Variants in DGKK observed in about 807,000 individuals in gnomAD.
DGKK encodes diacylglycerol kinase kappa, also known as 142 kDa diacylglycerol kinase.
Under a neutral mutation model 92.2 loss-of-function variants are expected in DGKK, and 35 were observed. The ratio of observed to expected loss-of-function variants is 0.38; its 90% CI spans 0.29 to 0.50. DGKK has a LOEUF of 0.50. DGKK is among the 20% of genes least tolerant of loss of function. The pLI, the probability that DGKK is intolerant of heterozygous loss-of-function variation, is 0.92. For missense variants in DGKK, 910 were observed against 992.2 expected (o/e 0.92, Z 1.11); for synonymous variants, 368 against 360.6 (o/e 1.02, Z -0.23).
At chrX:50,423,541 A>C (rs1458466346) in intron 2 of DGKK, among the ~76,000 whole-genome samples, 1 of 112,044 alleles carries the variant, frequency 8.9e-6, no homozygotes, top group Non-Finnish European at 1.9e-5. Context: ...GCTAAAAATG[A>C]TGACATGGAA....
At chrX:50,420,643 TC>T (rs1388217146) in intron 3 of DGKK, 136 bp from the exon 4 acceptor site, 4 of 474,718 alleles carry the variant, frequency 8.4e-6, no homozygotes, top group Non-Finnish European at 1.4e-5. Context: ...AGACAGACAT[TC>T]CCAGAACCAC....
At chrX:50,467,780 T>C (rs1926944326) in intron 1 of DGKK, among the ~76,000 whole-genome samples, 1 of 112,651 alleles carries the variant, frequency 8.9e-6, no homozygotes, top group East Asian at 2.8e-4. Flanking sequence ...GAAGATCAGA[T>C]GTTCCCAGCT....
At chrX:50,371,882 G>A (rs912243161) in intron 25 of DGKK, 48 bp from the exon 26 acceptor site, 2 of 853,390 alleles carry the variant, frequency 2.3e-6, no homozygotes, top group Non-Finnish European at 1.7e-6. Flanking sequence ...TAGCACTTTT[G>A]TAGACTCTTA....
chrX:50,394,979 G>A (rs1557225944), intron 8 of DGKK, among the ~76,000 whole-genome samples: 1 of 110,190 alleles, frequency 9.1e-6, no homozygotes, highest in East Asian at 2.9e-4. Context: ...TGTCTGGGCT[G>A]TCTGAGGACC....
intron 1 of DGKK, among the ~76,000 whole-genome samples, chrX:50,461,285 A>G (rs991333621): frequency 8.9e-6 from 1 of 112,294 alleles, no homozygotes; most frequent in Non-Finnish European, 1.9e-5. Context: ...AGAATAATGA[A>G]CACGATCTAA....
At chrX:50,410,878 G>A (rs1317911136) in intron 4 of DGKK, among the ~76,000 whole-genome samples, 1 of 111,380 alleles carries the variant, frequency 9.0e-6, no homozygotes, top group African/African-American at 3.3e-5. Context: ...CTTGTCCCAC[G>A]GGAAACATTG....
intron 8 of DGKK, among the ~76,000 whole-genome samples, chrX:50,399,286 G>A (rs782101999): frequency 9.0e-6 from 1 of 111,311 alleles, no homozygotes; most frequent in African/African-American, 3.3e-5. Flanking sequence ...ATATGAGCAC[G>A]CACATACACA....
At chrX:50,462,763 T>C (rs1232583256) in intron 1 of DGKK, among the ~76,000 whole-genome samples, 3 of 108,054 alleles carry the variant, frequency 2.8e-5, no homozygotes, top group African/African-American at 1.0e-4. Context: ...TTAATGAAGC[T>C]GGGGAGCCCT....
chrX:50,370,484 C>G lies in DGKK; in HGVS notation c.3678G>C (p.Lys1226Asn). 7 of 1,193,978 alleles carry G rather than the reference C, an allele frequency of 5.9e-6. No homozygotes were observed. Among genetic ancestry groups the G allele is most frequent in the Non-Finnish European group, 6.8e-6 (6 of 885,972 alleles). Residue 1226 changes from lysine (K) to asparagine (N), a missense_variant, in exon 27 of 28, where the codon AAG becomes AAC. Physicochemically the swap from Lys to Asn is moderately conservative, Grantham distance 94. Coordinates refer to ENST00000611977, the MANE Select transcript of DGKK (RefSeq NM_001013742.4). ...GCTTGCGTTCCTCTTCTACCTTTTTCTTTCCCAATTTGGGGAACTTAATTT... is the reference window on the plus strand; with the variant it reads ...GCTTGCGTTCCTCTTCTACCTTTTTGTTTCCCAATTTGGGGAACTTAATTT... ...RLKIKFPKLG[K>N]KKVEEERKPK...
At chrX:50,384,871 G>T in intron 15 of DGKK, 47 bp from the exon 16 acceptor site, 1 of 977,733 alleles carries the variant, frequency 1.0e-6, no homozygotes, top group Non-Finnish European at 1.4e-6. Flanking sequence ...AAAGGAGGAA[G>T]GGAGGGAGGA....
intron 1 of DGKK, among the ~76,000 whole-genome samples, chrX:50,467,917 T>TA (rs1926949114): frequency 8.9e-6 from 1 of 112,530 alleles, no homozygotes; most frequent in South Asian, 3.7e-4. Flanking sequence ...ACTGATTAGT[T>TA]AATCTGCATG....
intron 4 of DGKK, among the ~76,000 whole-genome samples, chrX:50,415,484 G>A (rs891280337): frequency 2.7e-5 from 3 of 111,495 alleles, no homozygotes; most frequent in African/African-American, 6.5e-5. Flanking sequence ...TGCCCAGCAC[G>A]GTACTGCCTA....
At chrX:50,461,087 A>C (rs782462744) in intron 1 of DGKK, among the ~76,000 whole-genome samples, 1 of 112,021 alleles carries the variant, frequency 8.9e-6, no homozygotes, top group Non-Finnish European at 1.9e-5. Flanking sequence ...GTGAGATCAA[A>C]CTGCATTTGT....
rs182327669 is a variant in DGKK at position 50,388,043 on chromosome X, T to C, written c.2019-390A>G. Among the ~76,000 whole-genome samples, 676 of 112,342 alleles carry C rather than the reference T, an allele frequency of 6.0e-3. 3 individuals are homozygous for C. Among genetic ancestry groups the C allele is most frequent in the African/African-American group, 0.02 (634 of 30,973 alleles). ...ACAAACAATTATATTGGGAGGACTCTCCCTGTGGGAAGTTTTTCTCAAAGG... is the reference window on the plus strand; with the variant it reads ...ACAAACAATTATATTGGGAGGACTCCCCCTGTGGGAAGTTTTTCTCAAAGG... On this transcript the variant is annotated intron_variant, in intron 13 of 27. Coordinates refer to ENST00000611977, the MANE Select transcript of DGKK (RefSeq NM_001013742.4).
chrX:50,431,192 G>C (rs1254994005), intron 1 of DGKK, among the ~76,000 whole-genome samples: 1 of 110,782 alleles, frequency 9.0e-6, no homozygotes, highest in Non-Finnish European at 1.9e-5. Context: ...CACCATGCCT[G>C]ACTAATTTTT....
intron 4 of DGKK, among the ~76,000 whole-genome samples, chrX:50,404,702 C>T (rs1470919582): frequency 3.6e-5 from 4 of 110,608 alleles, no homozygotes; most frequent in African/African-American, 9.9e-5. Flanking sequence ...CCACTGTGCC[C>T]GGCCAGGAGT....
intron 1 of DGKK, among the ~76,000 whole-genome samples, chrX:50,456,837 T>C (rs781922669): frequency 3.6e-5 from 4 of 111,443 alleles, no homozygotes; most frequent in African/African-American, 1.3e-4. Flanking sequence ...CGCCTACTGG[T>C]AATGCAAAGG....
At chrX:50,392,476 C>A in intron 9 of DGKK, 27 bp from the exon 10 acceptor site, 1 of 1,130,802 alleles carries the variant, frequency 8.8e-7, no homozygotes, top group Non-Finnish European at 1.2e-6. Context: ...GAAAGGGGGT[C>A]ATTTCATGAA....
chrX:50,465,615 G>A (rs951904427), intron 1 of DGKK, among the ~76,000 whole-genome samples: 19 of 110,597 alleles, frequency 1.7e-4, no homozygotes, highest in Non-Finnish European at 2.8e-4. Flanking sequence ...GCCTCTTCTC[G>A]TTTCTTCTCT....
Sources: gnomAD v4.1 joint callset for allele counts (sites outside exome capture counted in the v4.1 genomes callset) on GRCh38, gnomAD v4.1.1 for gene constraint, MANE v1.5 for transcripts, NCBI Gene and HGNC (gene_info 2026-07-23, HGNC 2026-07-21) for gene names.